Variants in CSMD2 observed in about 807,000 individuals in gnomAD.
CSMD2 encodes the protein CUB and sushi domain-containing protein 2.
In CSMD2, 130 loss-of-function variants were observed where a neutral mutation model predicts 398.5. That is an observed-to-expected ratio of 0.33 (90% confidence interval 0.28 to 0.38). CSMD2 has a LOEUF of 0.38. Ranked by LOEUF, CSMD2 falls within the 10% of genes least tolerant of loss-of-function variation. The pLI is 1.00. For synonymous variants in CSMD2, 1,828 were observed against 1,908.5 expected, an observed-to-expected ratio of 0.96 and a Z score of 1.10; for missense variants, 3,829 against 4,764.9, an observed-to-expected ratio of 0.80 and a Z score of 5.78.
chr1:34,019,580 A>T (rs1648597729), intron 3 of CSMD2, among the ~76,000 whole-genome samples: 1 of 152,156 alleles, frequency 6.6e-6, no homozygotes. Flanking sequence ...AGTGCTGGTG[A>T]AGGTTCAGAA....
chr1:33,547,917 G>A (rs1657061811), intron 56 of CSMD2, among the ~76,000 whole-genome samples: 1 of 152,206 alleles, frequency 6.6e-6, no homozygotes. Context: ...ATGTTGAATT[G>A]TAATCCCCAG....
intron 2 of CSMD2, 122 bp downstream of exon 2, chr1:34,088,855 C>T: frequency 1.3e-6 from 1 of 781,710 alleles, no homozygotes; most frequent in Non-Finnish European, 2.2e-6. Flanking sequence ...TGAGGGAGGA[C>T]ATCATGAAAA....
chr1:33,714,342 T>C (rs1037118369), intron 21 of CSMD2, among the ~76,000 whole-genome samples: 1 of 152,156 alleles, frequency 6.6e-6, no homozygotes, highest in African/African-American at 2.4e-5. Context: ...ACCTAATTTG[T>C]AAAGGTCACT....
intron 1 of CSMD2, among the ~76,000 whole-genome samples, chr1:34,151,468 G>C (rs756005338): frequency 6.6e-6 from 1 of 152,166 alleles, no homozygotes; most frequent in Admixed American, 6.5e-5. Flanking sequence ...TCAGGAAGAG[G>C]CTCTCACAGA....
chr1:33,786,289 A>G (rs1279717943), intron 12 of CSMD2, among the ~76,000 whole-genome samples: 1 of 152,162 alleles, frequency 6.6e-6, no homozygotes, highest in Non-Finnish European at 1.5e-5. Flanking sequence ...GATGACATGG[A>G]ATCATTTCTC....
Position 33,600,199 on chromosome 1 carries a change from A to G in CSMD2, c.6856+666T>C, listed in dbSNP as rs915920886. 29 of 715,474 alleles carry G rather than the reference A, an allele frequency of 4.1e-5. No individual in the cohort carries two copies. In the Admixed American group the frequency reaches 5.9e-4, roughly 14 times the overall value. The allele number at this position is 715,474 out of a possible 1,614,324, so 44.3% of individuals were successfully genotyped here. A position where few individuals can be genotyped will look rare whatever the true frequency, so the allele number is the denominator to read the frequency against. ...CTGGCCCAAGGTGGAGCTGGGAGTA[A>G]AATCCAGCTTTCCTGATTTCTGGTT... On this transcript the variant is annotated intron_variant, in intron 44 of 70. Coordinates refer to ENST00000373381, the MANE Select transcript of CSMD2 (RefSeq NM_001281956.2).
chr1:33,622,759 A>G lies in CSMD2; in HGVS notation c.5723-488T>C, dbSNP rs116200850. ...ACTAGAATGGCAAAATGGTGTTGCC[A>G]CTTTGGAAAACAGGAAGTTCCTCCA... On this transcript the variant is annotated intron_variant, in intron 36 of 70. Coordinates refer to ENST00000373381, the MANE Select transcript of CSMD2 (RefSeq NM_001281956.2). 9.2e-3 allele frequency among the ~76,000 whole-genome samples: 1,395 copies of G among 152,316 alleles called. 22 individuals carry two copies. Among genetic ancestry groups the G allele is most frequent in the African/African-American group, 0.032 (1,338 of 41,562 alleles).
intron 1 of CSMD2, among the ~76,000 whole-genome samples, chr1:34,127,673 G>A (rs1662883086): frequency 6.6e-6 from 1 of 152,160 alleles, no homozygotes; most frequent in African/African-American, 2.4e-5. Context: ...AAGCTGACCA[G>A]GTGGCCGATA....
At chr1:33,744,731 T>A (rs1002115225) in intron 13 of CSMD2, among the ~76,000 whole-genome samples, 1 of 151,756 alleles carries the variant, frequency 6.6e-6, no homozygotes, top group African/African-American at 2.4e-5. Flanking sequence ...GTAAAGAGAG[T>A]GCTTAGAGGA....
At chr1:33,606,225 G>A (rs137880748) in intron 41 of CSMD2, among the ~76,000 whole-genome samples, 2 of 152,206 alleles carry the variant, frequency 1.3e-5, no homozygotes, top group Admixed American at 6.5e-5. Context: ...AACAGCCTTC[G>A]TGGCAGTAAT....
intron 44 of CSMD2, among the ~76,000 whole-genome samples, chr1:33,595,141 T>C (rs916576909): frequency 6.6e-6 from 1 of 152,262 alleles, no homozygotes; most frequent in African/African-American, 2.4e-5. Context: ...ATTGATCCAG[T>C]TCAGAATCAC....
At chr1:33,888,756 T>TTTGTTGTTGTTGTTGTTGTTG (rs140395748) in intron 5 of CSMD2, among the ~76,000 whole-genome samples, 85 of 148,938 alleles carry the variant, frequency 5.7e-4, no homozygotes, top group African/African-American at 1.9e-3. Flanking sequence ...TCAACTGATT[T>TTTGTTGTTGTTGTTGTTGTTG]TTGTTGTTGT....
intron 2 of CSMD2, among the ~76,000 whole-genome samples, chr1:34,076,928 A>AAAAAATAT (rs1232288848): frequency 1.7e-3 from 89 of 53,550 alleles, no homozygotes; most frequent in African/African-American, 3.5e-3. Context: ...AAAAAAAAAA[A>AAAAAATAT]ATATATATAT....
At chr1:33,587,255 A>T in intron 44 of CSMD2, 87 bp from the exon 45 acceptor site, 4 of 1,013,212 alleles carry the variant, frequency 3.9e-6, no homozygotes, top group Non-Finnish European at 5.8e-6. Context: ...TCACTTTCTC[A>T]TCCCTCATTT....
chr1:33,820,555 T>C lies in CSMD2; in HGVS notation c.1113A>G (p.Leu371=). ...SKDNSQKTSV[L]TQVGVSQGHN... ...GTCCTTGGGACACACCAACCTGAGTTACTACAAGGCAAAAAAAAAAAAAAA... is the reference window on the plus strand; with the variant it reads ...GTCCTTGGGACACACCAACCTGAGTCACTACAAGGCAAAAAAAAAAAAAAA... The change falls in exon 8 of 71, where the codon TTA becomes TTG. Residue 371 remains leucine (L), a splice_region_variant and synonymous_variant. Coordinates refer to ENST00000373381, the MANE Select transcript of CSMD2 (RefSeq NM_001281956.2). 8.6e-7 allele frequency: 1 copy of C among 1,161,238 alleles called. No individual in the cohort carries two copies. The highest frequency in any genetic ancestry group is 1.2e-6 in the Non-Finnish European group (1 of 827,658). The allele number at this position is 1,161,238 out of a possible 1,614,324, so 71.9% of individuals were successfully genotyped here.
chr1:34,099,660 C>A (rs761689535), intron 1 of CSMD2, among the ~76,000 whole-genome samples: 1 of 152,150 alleles, frequency 6.6e-6, no homozygotes, highest in Non-Finnish European at 1.5e-5. Flanking sequence ...GTAGAATAGT[C>A]GGAGAGGATC....
At chr1:34,114,362 T>TAA (rs369547852) in intron 1 of CSMD2, among the ~76,000 whole-genome samples, 8 of 139,650 alleles carry the variant, frequency 5.7e-5, no homozygotes, top group African/African-American at 2.1e-4. Flanking sequence ...AAAGCACACT[T>TAA]AAAAAAAAAA....
intron 3 of CSMD2, among the ~76,000 whole-genome samples, chr1:34,012,024 C>G (rs1215018532): frequency 1.3e-5 from 2 of 152,198 alleles, no homozygotes; most frequent in Non-Finnish European, 2.9e-5. Flanking sequence ...CTTTGAGTGG[C>G]TAGAAGCCGT....
chr1:33,805,350 G>A (rs1203607197), intron 10 of CSMD2, among the ~76,000 whole-genome samples: 1 of 152,122 alleles, frequency 6.6e-6, no homozygotes, highest in African/African-American at 2.4e-5. Context: ...CCATTAACTA[G>A]GTACATCATG....
Sources: gnomAD v4.1 joint callset for allele counts (sites outside exome capture counted in the v4.1 genomes callset) on GRCh38, gnomAD v4.1.1 for gene constraint, MANE v1.5 for transcripts, NCBI Gene and HGNC (gene_info 2026-07-23, HGNC 2026-07-21) for gene names.